The following STAU2 variants were observed in gnomAD, a reference collection of about 807,000 sequenced individuals.
STAU2 encodes the protein double-stranded RNA-binding protein Staufen homolog 2.
STAU2 carries 20 observed loss-of-function variants against 65.9 expected under a neutral mutation model. The observed-to-expected ratio is 0.30, with a 90% confidence interval of 0.21 to 0.44. STAU2 has a LOEUF of 0.44. STAU2 is among the 20% of genes least tolerant of loss of function. The pLI is 1.00. For synonymous variants in STAU2, 232 were observed against 233.9 expected (o/e 0.99, Z 0.07); for missense variants, 558 against 683.9 (o/e 0.82, Z 2.05).
chr8:73,488,275 G>A (rs1247179713), intron 13 of STAU2, among the ~76,000 whole-genome samples: 3 of 152,026 alleles, frequency 2.0e-5, no homozygotes, highest in Non-Finnish European at 4.4e-5. Flanking sequence ...TTTTTACAGC[G>A]CTTTTGACAC....
At chr8:73,510,926 T>G (rs1471897488) in intron 13 of STAU2, among the ~76,000 whole-genome samples, 2 of 152,248 alleles carry the variant, frequency 1.3e-5, no homozygotes, top group East Asian at 1.9e-4. Context: ...AATCTATTTG[T>G]AAATTTAAAA....
chr8:73,587,519 G>A (rs941351315), intron 11 of STAU2, among the ~76,000 whole-genome samples: 1 of 152,154 alleles, frequency 6.6e-6, no homozygotes, highest in African/African-American at 2.4e-5. Flanking sequence ...GAGCTCTAAG[G>A]GTTGGGTAGG....
chr8:73,731,005 TG>T (rs1364158335), intron 3 of STAU2, among the ~76,000 whole-genome samples: 2 of 152,238 alleles, frequency 1.3e-5, no homozygotes, highest in African/African-American at 4.8e-5. Flanking sequence ...TGGAATCATT[TG>T]GAGCCTTCTG....
intron 4 of STAU2, among the ~76,000 whole-genome samples, chr8:73,704,492 T>A (rs528390118): frequency 3.1e-4 from 47 of 152,042 alleles, no homozygotes; most frequent in African/African-American, 1.1e-3. Context: ...AGTGCGCTAT[T>A]TTTTTAAAGG....
chr8:73,479,569 A>G (rs1476785244), intron 13 of STAU2, among the ~76,000 whole-genome samples: 2 of 152,036 alleles, frequency 1.3e-5, no homozygotes, highest in Admixed American at 6.6e-5. Context: ...AATGTTTAAC[A>G]TTAAAATAAA....
At chr8:73,525,569 G>A (rs1264251812) in intron 13 of STAU2, among the ~76,000 whole-genome samples, 1 of 152,176 alleles carries the variant, frequency 6.6e-6, no homozygotes, top group South Asian at 2.1e-4. Flanking sequence ...CCCAAGAGGT[G>A]AAGAAACAAG....
intron 4 of STAU2, among the ~76,000 whole-genome samples, chr8:73,693,516 T>G (rs1046968606): frequency 1.3e-5 from 2 of 151,664 alleles, no homozygotes; most frequent in Admixed American, 1.3e-4. Context: ...AGAAAAAAAT[T>G]TCTTTTTACT....
intron 4 of STAU2, among the ~76,000 whole-genome samples, chr8:73,693,406 T>C (rs377426327): frequency 2.1e-5 from 3 of 140,822 alleles, no homozygotes; most frequent in Middle Eastern, 3.8e-3. Context: ...ACCCGGGAGG[T>C]GGAGCTTGCA....
intron 5 of STAU2, among the ~76,000 whole-genome samples, chr8:73,685,540 A>C (rs1344969686): frequency 4.0e-5 from 6 of 151,874 alleles, no homozygotes; most frequent in Non-Finnish European, 5.9e-5. Flanking sequence ...CTGCCCGGCT[A>C]ATTATTTTTG....
intron 13 of STAU2, among the ~76,000 whole-genome samples, chr8:73,510,290 G>A (rs968925262): frequency 6.6e-6 from 1 of 151,766 alleles, no homozygotes; most frequent in South Asian, 2.1e-4. Flanking sequence ...GGCTGGTCTC[G>A]AACTCCCAAT....
intron 13 of STAU2, among the ~76,000 whole-genome samples, chr8:73,481,651 T>A (rs1240072153): frequency 3.9e-5 from 6 of 152,122 alleles, no homozygotes; most frequent in Admixed American, 1.3e-4. Context: ...TATATACTAA[T>A]AACAACTATG....
chr8:73,733,969 G>A (rs948018687), intron 3 of STAU2, among the ~76,000 whole-genome samples: 4 of 151,968 alleles, frequency 2.6e-5, no homozygotes, highest in African/African-American at 9.7e-5. Context: ...AATTTACTAT[G>A]GCACTAACTA....
intron 13 of STAU2, among the ~76,000 whole-genome samples, chr8:73,467,945 A>C (rs1024708992): frequency 6.6e-6 from 1 of 152,230 alleles, no homozygotes; most frequent in African/African-American, 2.4e-5. Flanking sequence ...ACAGAATTGG[A>C]AAAAACTACT....
At chr8:73,463,412 T>C (rs1819480405) in intron 13 of STAU2, among the ~76,000 whole-genome samples, 1 of 152,212 alleles carries the variant, frequency 6.6e-6, no homozygotes, top group South Asian at 2.1e-4. Context: ...GGAGAGTAAA[T>C]ATGGTTTCTG....
At chr8:73,635,194 C>T (rs1357396700) in intron 6 of STAU2, among the ~76,000 whole-genome samples, 2 of 152,182 alleles carry the variant, frequency 1.3e-5, no homozygotes, top group Non-Finnish European at 2.9e-5. Context: ...AGCAGTAACC[C>T]TATTTCCAGT....
At chr8:73,717,921 A>C (rs1295815963) in intron 3 of STAU2, among the ~76,000 whole-genome samples, 1 of 152,230 alleles carries the variant, frequency 6.6e-6, no homozygotes, top group Non-Finnish European at 1.5e-5. Context: ...AAAAGCCTGC[A>C]AAGATTGAAA....
intron 13 of STAU2, among the ~76,000 whole-genome samples, chr8:73,452,255 T>C (rs986995840): frequency 1.3e-5 from 2 of 152,174 alleles, no homozygotes; most frequent in Non-Finnish European, 2.9e-5. Context: ...CTCCCTATCA[T>C]GACACCCGGC....
Position 73,457,218 on chromosome 8 carries a change from C to T in STAU2, c.1531-34516G>A, listed in dbSNP as rs199807382. ...AAAGAGATCTACCCCAGCTTAGAAACACACAGAAAGAAATTTCAACAACCA... is the reference window on the plus strand; with the variant it reads ...AAAGAGATCTACCCCAGCTTAGAAATACACAGAAAGAAATTTCAACAACCA... On this transcript the variant is annotated intron_variant, in intron 13 of 14. Coordinates refer to ENST00000524300, the MANE Select transcript of STAU2 (RefSeq NM_001164380.2). Among the ~76,000 whole-genome samples the T allele has an allele frequency of 6.6e-3, 850 of 129,732 alleles. 10 individuals are homozygous for T. The highest frequency in any genetic ancestry group is 0.022 in the African/African-American group (826 of 38,246). 85.1% of individuals were successfully genotyped at this position (129,732 alleles called of 152,430 possible).
intron 13 of STAU2, among the ~76,000 whole-genome samples, chr8:73,523,631 C>T (rs1284862831): frequency 6.6e-6 from 1 of 152,076 alleles, no homozygotes. Context: ...TGTTTTCTAT[C>T]CCTATAGTTT....
Sources: gnomAD v4.1 joint callset for allele counts (sites outside exome capture counted in the v4.1 genomes callset) on GRCh38, gnomAD v4.1.1 for gene constraint, MANE v1.5 for transcripts, NCBI Gene and HGNC (gene_info 2026-07-23, HGNC 2026-07-21) for gene names.